The following PLS3 variants were observed in gnomAD, a reference collection of about 807,000 sequenced individuals.
PLS3 encodes the protein plastin-3.
PLS3 carries 11 observed loss-of-function variants against 46.5 expected under a neutral mutation model. The ratio of observed to expected loss-of-function variants is 0.24; its 90% CI spans 0.15 to 0.39. The LOEUF is 0.39. Among genes scored for constraint, PLS3 ranks in the 10% least tolerant of loss-of-function variants. The pLI is 1.00. For synonymous variants in PLS3, 167 were observed against 162.2 expected (o/e 1.03, Z -0.22); for missense variants, 308 against 461.8 (o/e 0.67, Z 3.05).
chrX:115,561,456 G>A (rs782576740), intron 1 of PLS3, among the ~76,000 whole-genome samples, 196 bp downstream of exon 1: 1 of 111,720 alleles, frequency 9.0e-6, no homozygotes, highest in South Asian at 3.8e-4. Flanking sequence ...GGTCGCAACC[G>A]AAATGGGTGT....
intron 15 of PLS3, among the ~76,000 whole-genome samples, chrX:115,648,856 G>A (rs182624038): frequency 7.2e-5 from 8 of 111,559 alleles, no homozygotes; most frequent in African/African-American, 2.3e-4. Context: ...AATACTTCAC[G>A]GATTAGTTGA....
intron 3 of PLS3, among the ~76,000 whole-genome samples, chrX:115,628,699 T>C (rs1336043850): frequency 1.8e-5 from 2 of 112,273 alleles, no homozygotes; most frequent in Non-Finnish European, 3.8e-5. Flanking sequence ...TACTACCAGC[T>C]TAACACATTT....
chrX:115,615,892 A>G (rs2074594750), intron 2 of PLS3, among the ~76,000 whole-genome samples: 1 of 111,977 alleles, frequency 8.9e-6, no homozygotes, highest in South Asian at 3.8e-4. Flanking sequence ...GTTGGAAACT[A>G]TGATGCTGAA....
chrX:115,570,503 C>CTTTT (rs1166812329), intron 1 of PLS3, among the ~76,000 whole-genome samples: 68 of 86,908 alleles, frequency 7.8e-4, no homozygotes, highest in African/African-American at 2.9e-3. Context: ...TCCTACCTTC[C>CTTTT]TTTTTTTTTT....
At chrX:115,590,806 C>T (rs1198434852) in intron 1 of PLS3, among the ~76,000 whole-genome samples, 8 of 110,339 alleles carry the variant, frequency 7.3e-5, no homozygotes, top group African/African-American at 2.6e-4. Context: ...GGCGACAGAG[C>T]GAGACTCCGT....
At chrX:115,580,488 T>C (rs1556631715) in intron 1 of PLS3, among the ~76,000 whole-genome samples, 1 of 112,450 alleles carries the variant, frequency 8.9e-6, no homozygotes, top group Non-Finnish European at 1.9e-5. Context: ...TGTGTAAATC[T>C]GTTTCTGGGT....
At chrX:115,585,368 A>G (rs1556632288) in intron 1 of PLS3, among the ~76,000 whole-genome samples, 1 of 111,841 alleles carries the variant, frequency 8.9e-6, no homozygotes, top group Non-Finnish European at 1.9e-5. Context: ...ATAAGTAGGC[A>G]GAAATTTTAA....
intron 1 of PLS3, among the ~76,000 whole-genome samples, chrX:115,561,810 G>A (rs931780549): frequency 9.0e-6 from 1 of 111,479 alleles, no homozygotes; most frequent in Non-Finnish European, 1.9e-5. Context: ...GCTCTGGAGA[G>A]GGGGGGCCGT....
At chrX:115,622,776 T>C (rs1166266725) in intron 3 of PLS3, among the ~76,000 whole-genome samples, 1 of 111,378 alleles carries the variant, frequency 9.0e-6, no homozygotes, top group Non-Finnish European at 1.9e-5. Flanking sequence ...ATTTTAATAA[T>C]ACACCCTGAC....
At position 115,622,233 on chromosome X, in the gene PLS3, CT is replaced by C. The variant is rs2074663382; in HGVS notation, c.74-7del. On this transcript the variant is annotated splice_polypyrimidine_tract_variant and intron_variant, in intron 2 of 15. Coordinates refer to ENST00000355899, the MANE Select transcript of PLS3 (RefSeq NM_005032.7). ...TTTTTTTCCTTTTTTGCTTGCTCTC[CT>C]TTTTTACAAAGATCTCAACAGCAAC... The C allele has an allele frequency of 8.4e-7, 1 of 1,184,333 alleles. No individual in the cohort carries two copies. The highest frequency in any genetic ancestry group is 2.0e-5 in the South Asian group (1 of 50,883).
chrX:115,569,052 A>AAAAAG (rs2074196513), intron 1 of PLS3, among the ~76,000 whole-genome samples: 1 of 76,421 alleles, frequency 1.3e-5, no homozygotes, highest in African/African-American at 3.9e-5. Flanking sequence ...AAAAAAAAAA[A>AAAAAG]AAGAAGAAGA....
chrX:115,583,874 G>A (rs1045700860), intron 1 of PLS3, among the ~76,000 whole-genome samples: 1 of 110,574 alleles, frequency 9.0e-6, no homozygotes, highest in Non-Finnish European at 1.9e-5. Flanking sequence ...CTTTTTTTTT[G>A]GGGGAGGGTG....
chrX:115,569,483 A>C (rs1292332852), intron 1 of PLS3, among the ~76,000 whole-genome samples: 1 of 111,799 alleles, frequency 8.9e-6, no homozygotes, highest in Non-Finnish European at 1.9e-5. Flanking sequence ...CTACAGTTAA[A>C]CTCAGAGTTT....
chrX:115,620,664 C>A (rs1556637372), intron 2 of PLS3, among the ~76,000 whole-genome samples: 1 of 108,684 alleles, frequency 9.2e-6, no homozygotes, highest in East Asian at 2.9e-4. Context: ...GCAAGATAGC[C>A]CCAGTCTAAC....
chrX:115,633,176 G>GT (rs2074795274), intron 5 of PLS3, among the ~76,000 whole-genome samples: 1 of 99,802 alleles, frequency 1.0e-5, no homozygotes, highest in African/African-American at 3.5e-5. Context: ...GGTCTTTTTG[G>GT]GTTTTTTTTT....
At chrX:115,606,149 T>C (rs2074489845) in intron 1 of PLS3, among the ~76,000 whole-genome samples, 1 of 87,596 alleles carries the variant, frequency 1.1e-5, no homozygotes, top group Non-Finnish European at 2.1e-5. Context: ...TTTTTCTTTC[T>C]TTTTTCTTTT....
intron 3 of PLS3, among the ~76,000 whole-genome samples, chrX:115,626,514 C>T (rs915288537): frequency 9.1e-6 from 1 of 110,488 alleles, no homozygotes; most frequent in African/African-American, 3.3e-5. Context: ...GAACTCCCGA[C>T]CTCAAACCAT....
chrX:115,625,530 A>G (rs2074701778), intron 3 of PLS3, among the ~76,000 whole-genome samples: 1 of 109,671 alleles, frequency 9.1e-6, no homozygotes, highest in African/African-American at 3.3e-5. Flanking sequence ...TAAGCTGCCC[A>G]GAACAGTCTT....
At chrX:115,571,514 GAA>G (rs142311088) in intron 1 of PLS3, among the ~76,000 whole-genome samples, 3,306 of 83,394 alleles carry the variant, frequency 0.04, 156 homozygotes, top group African/African-American at 0.14. Flanking sequence ...CAAGACTCTG[GAA>G]AAAAAAAAAA....
Sources: allele counts gnomAD v4.1 joint callset (sites outside exome capture counted in the v4.1 genomes callset), GRCh38; gene constraint gnomAD v4.1.1; transcripts MANE v1.5; gene names NCBI Gene and HGNC (gene_info 2026-07-23, HGNC 2026-07-21).